Variants in TXNDC11 observed in about 807,000 individuals in gnomAD.
The protein encoded by TXNDC11 is thioredoxin domain containing 11.
In TXNDC11, 68 loss-of-function variants were observed where a neutral mutation model predicts 78.0. The observed-to-expected ratio is 0.87, with a 90% CI of 0.72 to 1.07. TXNDC11 has a LOEUF of 1.07. TXNDC11 is among the 50% of genes least tolerant of loss of function. The probability of loss-of-function intolerance (pLI) is 0.00; values close to 1 mark genes in which losing one functional copy is unlikely to be tolerated. For missense variants in TXNDC11, 1,389 were observed against 1,221.8 expected, an observed-to-expected ratio of 1.14 and a Z score of -2.04; for synonymous variants, 571 against 495.2, an observed-to-expected ratio of 1.15 and a Z score of -2.03.
chr16:11,730,377 T>A (rs1349153410), intron 4 of TXNDC11, among the ~76,000 whole-genome samples: 1 of 152,172 alleles, frequency 6.6e-6, no homozygotes, highest in African/African-American at 2.4e-5. Flanking sequence ...CTACTCTAAG[T>A]TAACTGTAAG....
chr16:11,728,073 T>A (rs2051936940), intron 4 of TXNDC11, among the ~76,000 whole-genome samples: 1 of 152,146 alleles, frequency 6.6e-6, no homozygotes, highest in Non-Finnish European at 1.5e-5. Context: ...TGAGAAACCC[T>A]AACTTAGCAG....
At chr16:11,689,129 C>T (rs1172978154) in intron 8 of TXNDC11, among the ~76,000 whole-genome samples, 2 of 147,912 alleles carry the variant, frequency 1.4e-5, no homozygotes, top group African/African-American at 5.1e-5. Flanking sequence ...CACTCTGTTG[C>T]CCAGGCTGGA....
At chr16:11,688,665 T>C (rs1169386552) in intron 8 of TXNDC11, 2 of 434,516 alleles carry the variant, frequency 4.6e-6, no homozygotes, top group African/African-American at 1.9e-5. Context: ...AACAAAACAC[T>C]ATGCAATGTT....
intron 1 of TXNDC11, among the ~76,000 whole-genome samples, chr16:11,739,709 A>G (rs1340580600): frequency 6.6e-6 from 1 of 152,156 alleles, no homozygotes; most frequent in Non-Finnish European, 1.5e-5. Context: ...AAGGTAAAAG[A>G]AAGGTGAGCA....
At position 11,742,791 on chromosome 16, in the gene TXNDC11, C is replaced by A; in HGVS notation, c.-61G>T. On this transcript the variant is annotated 5_prime_UTR_variant, in exon 1 of 12. Transcript: ENST00000283033. ...GCCGCCTCGGGCCCGAAGGCCCGGCCCGGCCCGTTGCTCCCCAATCCCGCA... is the reference window on the plus strand; with the variant it reads ...GCCGCCTCGGGCCCGAAGGCCCGGCACGGCCCGTTGCTCCCCAATCCCGCA... The A allele has an allele frequency of 7.2e-7, 1 of 1,396,684 alleles. No homozygotes were observed. Among genetic ancestry groups the A allele is most frequent in the Non-Finnish European group, 9.3e-7 (1 of 1,080,968 alleles). 86.5% of individuals were successfully genotyped at this position (1,396,684 alleles called of 1,614,324 possible). A position where few individuals can be genotyped will look rare whatever the true frequency, so the allele number is the denominator to read the frequency against.
intron 5 of TXNDC11, among the ~76,000 whole-genome samples, chr16:11,715,052 A>G (rs1233464182): frequency 6.6e-6 from 1 of 151,914 alleles, no homozygotes; most frequent in African/African-American, 2.4e-5. Flanking sequence ...GGAGTTCCAG[A>G]CCAGCCTGGG....
At chr16:11,685,254 G>A (rs1174968267) in intron 10 of TXNDC11, among the ~76,000 whole-genome samples, 1 of 152,180 alleles carries the variant, frequency 6.6e-6, no homozygotes, top group African/African-American at 2.4e-5. Flanking sequence ...TACTTGGGAA[G>A]GTGGGAGAAT....
chr16:11,692,992 A>C (rs2050762249), intron 7 of TXNDC11, among the ~76,000 whole-genome samples: 2 of 152,182 alleles, frequency 1.3e-5, no homozygotes, highest in South Asian at 4.1e-4. Context: ...AGGAAGAGCT[A>C]GTTTTTGCAC....
chr16:11,708,094 C>G, intron 5 of TXNDC11, among the ~76,000 whole-genome samples: 1 of 151,994 alleles, frequency 6.6e-6, no homozygotes, highest in East Asian at 1.9e-4. Context: ...AAAAAACAAA[C>G]TTAAAAAAAG....
At chr16:11,709,595 C>T (rs1160412406) in intron 5 of TXNDC11, among the ~76,000 whole-genome samples, 2 of 151,546 alleles carry the variant, frequency 1.3e-5, no homozygotes, top group African/African-American at 2.4e-5. Context: ...CTACCATGCC[C>T]GGCTAATTTT....
intron 5 of TXNDC11, among the ~76,000 whole-genome samples, chr16:11,714,383 G>GT (rs563042210): frequency 9.0e-4 from 137 of 152,290 alleles, no homozygotes; most frequent in African/African-American, 3.1e-3. Flanking sequence ...GCTCACGCCT[G>GT]TAACTCCAGC....
intron 7 of TXNDC11, 193 bp from the exon 8 acceptor site, chr16:11,692,275 T>C: frequency 1.9e-6 from 1 of 520,800 alleles, no homozygotes; most frequent in East Asian, 3.1e-5. Context: ...TGTGATGAAA[T>C]TTTTGCCATT....
chr16:11,694,986 C>T (rs1242529144), intron 7 of TXNDC11, among the ~76,000 whole-genome samples: 1 of 152,216 alleles, frequency 6.6e-6, no homozygotes, highest in Non-Finnish European at 1.5e-5. Context: ...TGAGCCTGAA[C>T]ATGCTAACCA....
chr16:11,703,555 G>C (rs2051095128), intron 5 of TXNDC11: 7 of 598,976 alleles, frequency 1.2e-5, no homozygotes, highest in East Asian at 8.8e-5. Flanking sequence ...GAGGGAGAGA[G>C]AGGGGATGGA....
At position 11,679,806 on chromosome 16, in the gene TXNDC11, C is replaced by A; in HGVS notation, c.2266G>T (p.Val756Phe). The change falls in exon 12 of 12, where the codon GTC (valine) becomes TTC (phenylalanine). Residue 756 changes from valine to phenylalanine, a missense_variant. Coordinates refer to ENST00000283033, the MANE Select transcript of TXNDC11 (RefSeq NM_015914.7). The surrounding 1 kb of genome is among the most constrained non-coding windows in gnomAD (Gnocchi z 4.6). ...AACAGGTTTGGAAGGGTGATGGGGA[C>A]GTCTTCGGGGTATTTCACACTTAGG... ...KDLSVKYPEDVPITLPNLLRF... is the reference protein window; with the variant it reads ...KDLSVKYPEDFPITLPNLLRF... 3 of 1,612,736 alleles carry A rather than the reference C, an allele frequency of 1.9e-6. No homozygotes were observed. Among genetic ancestry groups the A allele is most frequent in the Non-Finnish European group, 2.5e-6 (3 of 1,179,110 alleles).
chr16:11,727,665 C>T (rs1387782547), intron 4 of TXNDC11, among the ~76,000 whole-genome samples: 1 of 146,462 alleles, frequency 6.8e-6, no homozygotes, highest in Admixed American at 6.8e-5. Context: ...TCCACCCGCC[C>T]CCCCCACCCC....
At chr16:11,692,142 T>G in intron 7 of TXNDC11, 60 bp from the exon 8 acceptor site, 1 of 1,320,830 alleles carries the variant, frequency 7.6e-7, no homozygotes, top group Non-Finnish European at 1.0e-6. Flanking sequence ...TAGCACCCCG[T>G]TAGCCACGTT....
intron 5 of TXNDC11, among the ~76,000 whole-genome samples, chr16:11,717,289 G>A (rs2051554166): frequency 1.3e-5 from 2 of 151,574 alleles, no homozygotes; most frequent in African/African-American, 2.4e-5. Context: ...AGGCGGGCGT[G>A]GTAGTGGGCG....
intron 5 of TXNDC11, among the ~76,000 whole-genome samples, chr16:11,720,414 TA>T (rs2051667949): frequency 7.7e-6 from 1 of 130,692 alleles, no homozygotes; most frequent in Non-Finnish European, 1.6e-5. Flanking sequence ...TATGATGTAA[TA>T]ATTTTTTTTT....
Sources: gnomAD v4.1 joint callset for allele counts (sites outside exome capture counted in the v4.1 genomes callset) on GRCh38, gnomAD v4.1.1 for gene constraint, Gnocchi (gnomAD v3.1) non-coding constraint, MANE v1.5 for transcripts, NCBI Gene and HGNC (gene_info 2026-07-23, HGNC 2026-07-21) for gene names.